SUCLG1: variants seen among roughly 807,000 people sequenced by gnomAD.
The protein encoded by SUCLG1 is succinate--CoA ligase [ADP/GDP-forming] subunit alpha, mitochondrial.
Under a neutral mutation model 37.3 loss-of-function variants are expected in SUCLG1, and 26 were observed. That is an observed-to-expected ratio of 0.70 (90% confidence interval 0.51 to 0.97). The LOEUF is 0.97. Among genes scored for constraint, SUCLG1 ranks in the 50% least tolerant of loss-of-function variants. SUCLG1 has a pLI of 0.00. For missense variants in SUCLG1, 433 were observed against 432.9 expected, an observed-to-expected ratio of 1.00 and a Z score of 0.00; for synonymous variants, 163 against 155.6, an observed-to-expected ratio of 1.05 and a Z score of -0.36.
chr2:84,448,523 A>C (rs1672885701), intron 2 of SUCLG1, among the ~76,000 whole-genome samples: 1 of 4,850 alleles, frequency 2.1e-4, no homozygotes, highest in African/African-American at 8.7e-4. Flanking sequence ...AAATTACCAA[A>C]AAAAAAAAAA....
chr2:84,453,569 T>A (rs1672976177), intron 1 of SUCLG1, among the ~76,000 whole-genome samples: 1 of 152,016 alleles, frequency 6.6e-6, no homozygotes, highest in Non-Finnish European at 1.5e-5. Context: ...CCCACATCAC[T>A]ACACCCAGCT....
intron 2 of SUCLG1, among the ~76,000 whole-genome samples, chr2:84,449,143 A>G (rs1257429718): frequency 6.6e-6 from 1 of 152,210 alleles, no homozygotes; most frequent in East Asian, 1.9e-4. Flanking sequence ...GTCCCAGGCC[A>G]TCATCCCAGA....
chr2:84,441,936 A>T (rs1204259190), intron 3 of SUCLG1, among the ~76,000 whole-genome samples: 1 of 152,206 alleles, frequency 6.6e-6, no homozygotes, highest in African/African-American at 2.4e-5. Flanking sequence ...TTCTACCTCT[A>T]AAGTCTACAA....
At chr2:84,446,547 G>A (rs1672855425) in intron 2 of SUCLG1, among the ~76,000 whole-genome samples, 1 of 152,160 alleles carries the variant, frequency 6.6e-6, no homozygotes, top group South Asian at 2.1e-4. Context: ...CCCCAAGCAT[G>A]TTAATTAATT....
intron 7 of SUCLG1, chr2:84,426,749 G>C (rs1242285059): frequency 6.6e-6 from 1 of 151,998 alleles, no homozygotes; most frequent in African/African-American, 2.4e-5. Flanking sequence ...CATAACAGAA[G>C]TCCAGAGATA....
intron 2 of SUCLG1, among the ~76,000 whole-genome samples, chr2:84,445,556 C>A (rs1258532545): frequency 6.6e-6 from 1 of 152,074 alleles, no homozygotes; most frequent in Non-Finnish European, 1.5e-5. Flanking sequence ...TCACTCCCCT[C>A]CATCTACCCC....
At position 84,441,271 on chromosome 2, in the gene SUCLG1, C is replaced by G; in HGVS notation, c.507G>C (p.Gly169=). Residue 169 remains glycine (G), a synonymous_variant, in exon 4 of 9, where the codon GGG becomes GGC. Coordinates refer to ENST00000393868, the MANE Select transcript of SUCLG1 (RefSeq NM_003849.4). ...LLRQEKTRLI[G]PNCPGVINPG... ...CATTGATGACTCCAGGGCAGTTGGG[C>G]CCAATTAGCCTTGTCTTTTCCTGGC... is the stretch of plus-strand genomic sequence containing the variant. The G allele has an allele frequency of 6.2e-7, 1 of 1,614,042 alleles. No individual in the cohort carries two copies. The highest frequency in any genetic ancestry group is 8.5e-7 in the Non-Finnish European group (1 of 1,180,010).
intron 7 of SUCLG1, among the ~76,000 whole-genome samples, chr2:84,427,675 C>T (rs946125686): frequency 3.2e-4 from 49 of 152,160 alleles, no homozygotes; most frequent in African/African-American, 1.2e-3. Context: ...AACTGTTTCC[C>T]TTGACACAGC....
intron 5 of SUCLG1, among the ~76,000 whole-genome samples, chr2:84,439,232 T>G (rs1311575354): frequency 1.3e-5 from 2 of 151,498 alleles, no homozygotes; most frequent in Non-Finnish European, 2.9e-5. Context: ...TTAAAAGCAG[T>G]CTCCCAGACG....
In SUCLG1 at chr2:84,451,709, TACTC is replaced by T. The variant is rs1672945293; in HGVS notation, c.98-1961_98-1958del. The stretch of plus-strand genomic sequence containing the variant: ...TCCCAATCCCCTAGCCTTTTAGTGT[TACTC>T]AGCCTGTGCAATGCCCCTGAGAGCC... On this transcript the variant is annotated intron_variant, in intron 1 of 8. Transcript: ENST00000393868. 2.6e-5 allele frequency among the ~76,000 whole-genome samples: 4 copies of T among 151,972 alleles called. No individual in the cohort carries two copies. The South Asian group carries it at 8.3e-4, about 31-fold the overall frequency.
At chr2:84,437,583 T>C (rs2104249736) in intron 5 of SUCLG1, among the ~76,000 whole-genome samples, 1 of 152,354 alleles carries the variant, frequency 6.6e-6, no homozygotes, top group South Asian at 2.1e-4. Flanking sequence ...CATACATTGC[T>C]GGTAGACATG....
intron 2 of SUCLG1, among the ~76,000 whole-genome samples, chr2:84,446,066 A>C (rs958904444): frequency 2.0e-5 from 3 of 152,216 alleles, no homozygotes; most frequent in Non-Finnish European, 4.4e-5. Context: ...ATCCTTCCCT[A>C]AGATATCCAC....
intron 1 of SUCLG1, among the ~76,000 whole-genome samples, chr2:84,453,598 G>T (rs1026447616): frequency 6.6e-6 from 1 of 152,048 alleles, no homozygotes; most frequent in Non-Finnish European, 1.5e-5. Context: ...TGTACTTTTA[G>T]TAGAGACGGG....
intron 7 of SUCLG1, among the ~76,000 whole-genome samples, chr2:84,428,095 C>T (rs775590838): frequency 1.5e-4 from 23 of 152,162 alleles, no homozygotes; most frequent in Non-Finnish European, 2.9e-4. Context: ...TTCCAGTAAC[C>T]CCAGAATGCT....
At chr2:84,455,507 T>C (rs528293677) in intron 1 of SUCLG1, among the ~76,000 whole-genome samples, 2 of 147,562 alleles carry the variant, frequency 1.4e-5, no homozygotes, top group African/African-American at 5.0e-5. Context: ...AAAAAACATA[T>C]ATATCAGTAA....
At chr2:84,430,579 T>A (rs1419823733) in intron 7 of SUCLG1, among the ~76,000 whole-genome samples, 1 of 152,180 alleles carries the variant, frequency 6.6e-6, no homozygotes, top group African/African-American at 2.4e-5. Flanking sequence ...ATATGCCTTG[T>A]TTTGTGTAAA....
At position 84,449,671 on chromosome 2, in the gene SUCLG1, C is replaced by G; in HGVS notation, c.179G>C (p.Cys60Ser). Reference sequence around the variant, plus strand: ...TACCTGTTTGCCAGTGAAACCCTGGCAAATAATCTTTGTATTTTTATCAAC... The same window carrying G: ...TACCTGTTTGCCAGTGAAACCCTGGGAAATAATCTTTGTATTTTTATCAAC... The part of the protein sequence containing the change: ...LYVDKNTKII[C>S]QGFTGKQGTF... The change falls in exon 2 of 9, where the codon TGC becomes TCC. Residue 60 changes from cysteine to serine, a missense_variant. Cys to Ser is a moderately radical substitution (Grantham distance 112). Coordinates refer to ENST00000393868, the MANE Select transcript of SUCLG1 (RefSeq NM_003849.4). 6.3e-7 allele frequency: 1 copy of G among 1,593,368 alleles called. No individual in the cohort carries two copies. The highest frequency in any genetic ancestry group is 8.5e-7 in the Non-Finnish European group (1 of 1,171,662).
At chr2:84,443,861 G>C (rs892353818) in intron 2 of SUCLG1, among the ~76,000 whole-genome samples, 1 of 152,096 alleles carries the variant, frequency 6.6e-6, no homozygotes, top group African/African-American at 2.4e-5. Context: ...ATGTCAACTG[G>C]TCTCATTTTA....
At chr2:84,442,884 G>A (rs944016500) in intron 3 of SUCLG1, among the ~76,000 whole-genome samples, 1 of 152,164 alleles carries the variant, frequency 6.6e-6, no homozygotes, top group Non-Finnish European at 1.5e-5. Flanking sequence ...TTAAAATGAG[G>A]ATGATAACAG....
Sources: allele counts gnomAD v4.1 joint callset (sites outside exome capture counted in the v4.1 genomes callset), GRCh38; gene constraint gnomAD v4.1.1; transcripts MANE v1.5; gene names NCBI Gene and HGNC (gene_info 2026-07-23, HGNC 2026-07-21).